MYO9B: variants seen among roughly 807,000 people sequenced by gnomAD.
MYO9B encodes the protein myosin IXB.
In MYO9B, 71 loss-of-function variants were observed where a neutral mutation model predicts 229.5. The observed-to-expected ratio is 0.31, with a 90% confidence interval of 0.26 to 0.38. MYO9B has a LOEUF of 0.38. Among genes scored for constraint, MYO9B ranks in the 10% least tolerant of loss-of-function variants. The probability of loss-of-function intolerance (pLI) is 1.00; values close to 1 mark genes in which losing one functional copy is unlikely to be tolerated. For missense variants in MYO9B, 2,255 were observed against 2,920.5 expected, an observed-to-expected ratio of 0.77 and a Z score of 5.25; for synonymous variants, 1,185 against 1,235.8, an observed-to-expected ratio of 0.96 and a Z score of 0.86.
chr19:17,125,349 A>G lies in MYO9B; in HGVS notation c.841-20048A>G, dbSNP rs148305716. ...ATGAGCCCTAGGGGAAATATGATAA[A>G]TTCTTCAGATGTTTTCACAGCCTTG... On this transcript the variant is annotated intron_variant, in intron 2 of 39. Coordinates refer to ENST00000682292, the MANE Select transcript of MYO9B (RefSeq NM_004145.4). Among the ~76,000 whole-genome samples the G allele has an allele frequency of 2.9e-3, 415 of 143,564 alleles. 1 individual carries two copies. The highest frequency in any genetic ancestry group is 1.0e-2 in the African/African-American group (392 of 39,274). The allele number at this position is 143,564 out of a possible 152,430, so 94.2% of individuals were successfully genotyped here.
At chr19:17,187,732 CTGCCG>C (rs1171891973) in intron 18 of MYO9B, among the ~76,000 whole-genome samples, 198 bp from the exon 19 acceptor site, 1 of 152,038 alleles carries the variant, frequency 6.6e-6, no homozygotes, top group East Asian at 1.9e-4. Context: ...GTGCTCCTGG[CTGCCG>C]TGCCGTAGAA....
chr19:17,194,440 T>G, intron 21 of MYO9B, 116 bp from the exon 22 acceptor site: 1 of 1,179,034 alleles, frequency 8.5e-7, no homozygotes, highest in South Asian at 1.5e-5. Flanking sequence ...TCAGGGCCAC[T>G]GGGCACAGGC....
intron 24 of MYO9B, among the ~76,000 whole-genome samples, chr19:17,200,018 C>T (rs1307609884): frequency 6.6e-6 from 1 of 152,056 alleles, no homozygotes; most frequent in African/African-American, 2.4e-5. Flanking sequence ...ACTACAGGAA[C>T]CCACCATCAC....
Position 17,212,283 on chromosome 19 carries a change from C to G in MYO9B, c.6447C>G (p.Pro2149=). 1 of 1,539,652 alleles carries G rather than the reference C, an allele frequency of 6.5e-7. No homozygotes were observed. Among genetic ancestry groups the G allele is most frequent in the South Asian group, 1.2e-5 (1 of 81,704 alleles). The change falls in exon 40 of 40, where the codon CCC becomes CCG. Residue 2149 remains proline (P), a synonymous_variant. Transcript: ENST00000682292. This position sits in a 1 kb window ranked among gnomAD's most constrained non-coding sequence, Gnocchi z 5.4. The part of the protein sequence containing the change: ...RYSDPPTYCL[P]PASGQTNG Reference sequence around the variant, plus strand: ...CGGATCCCCCAACGTACTGCCTGCCCCCCGCCTCGGGCCAGACCAATGGCT... The same window carrying G: ...CGGATCCCCCAACGTACTGCCTGCCGCCCGCCTCGGGCCAGACCAATGGCT...
intron 2 of MYO9B, among the ~76,000 whole-genome samples, chr19:17,117,277 C>G (rs573250769): frequency 6.6e-6 from 1 of 152,180 alleles, no homozygotes; most frequent in African/African-American, 2.4e-5. Context: ...AGGATAGATC[C>G]GATTTCTGCA....
intron 8 of MYO9B, among the ~76,000 whole-genome samples, chr19:17,160,965 C>G (rs892660114): frequency 3.3e-5 from 5 of 151,846 alleles, no homozygotes; most frequent in Non-Finnish European, 7.4e-5. Context: ...TCCCAAAATG[C>G]TGGGATTACA....
intron 2 of MYO9B, among the ~76,000 whole-genome samples, chr19:17,142,696 C>T (rs1245883158): frequency 6.6e-6 from 1 of 152,072 alleles, no homozygotes; most frequent in African/African-American, 2.4e-5. Context: ...ACCGATAAAA[C>T]TTCATTGATG....
rs1243580202 is a variant in MYO9B at position 17,154,016 on chromosome 19, C to T, written c.1048C>T (p.Arg350Cys). 5 of 1,613,752 alleles carry T rather than the reference C, an allele frequency of 3.1e-6. No individual in the cohort carries two copies. The highest frequency in any genetic ancestry group is 1.7e-5 in the Admixed American group (1 of 59,996). Residue 350 changes from arginine to cysteine, a missense_variant, in exon 5 of 40, where the codon CGC becomes TGC. By Grantham distance (180) the Arg-to-Cys change is radical (BLOSUM62 -3). Transcript: ENST00000682292. ...GTTACTTGGGGTCAGCGAGGAAGAG[C>T]GCCAAGAATTTCAGCTCAAGCAGCC... Reference protein sequence around the residue: ...YLLLGVSEEERQEFQLKQPED... With the variant: ...YLLLGVSEEECQEFQLKQPED...
intron 2 of MYO9B, among the ~76,000 whole-genome samples, chr19:17,131,966 AC>A (rs1389796814): frequency 6.6e-6 from 1 of 151,638 alleles, no homozygotes; most frequent in Non-Finnish European, 1.5e-5. Flanking sequence ...TGCAGCCTCA[AC>A]CTCCTGGGCT....
At chr19:17,162,871 G>A (rs531824455) in intron 9 of MYO9B, 117 bp from the exon 10 acceptor site, 27 of 1,158,040 alleles carry the variant, frequency 2.3e-5, no homozygotes, top group Non-Finnish European at 3.0e-5. Flanking sequence ...GTGTTCTGCC[G>A]AGCAACAGGG....
chr19:17,171,811 A>T (rs1396116013), intron 11 of MYO9B, among the ~76,000 whole-genome samples: 1 of 152,128 alleles, frequency 6.6e-6, no homozygotes, highest in Non-Finnish European at 1.5e-5. Flanking sequence ...ACATTGTACT[A>T]TAGTCCCAGC....
Position 17,172,873 on chromosome 19 carries a change from C to T in MYO9B, c.2050C>T (p.Arg684Cys), listed in dbSNP as rs750329842. The T allele has an allele frequency of 1.9e-6, 3 of 1,606,668 alleles. No individual in the cohort carries two copies. Among genetic ancestry groups the T allele is most frequent in the South Asian group, 1.1e-5 (1 of 91,064 alleles). The change falls in exon 13 of 40, where the codon CGC becomes TGC. Residue 684 changes from arginine (R) to cysteine (C), a missense_variant. By Grantham distance (180) the Arg-to-Cys change is radical. Transcript: ENST00000682292. This position sits in a 1 kb window ranked among gnomAD's most constrained non-coding sequence, Gnocchi z 8.2. ...LIGMDPVAVFRWAVLRAAIRA... is the reference protein window; with the variant it reads ...LIGMDPVAVFCWAVLRAAIRA... ...CGGCATGGACCCCGTGGCCGTGTTCCGCTGGGCCGTGCTCCGGGCTGCTAT... is the reference window on the plus strand; with the variant it reads ...CGGCATGGACCCCGTGGCCGTGTTCTGCTGGGCCGTGCTCCGGGCTGCTAT...
In MYO9B at chr19:17,213,227, G is replaced by C. The variant is rs1212507312; in HGVS notation, c.*917G>C. 1.3e-5 allele frequency: 2 copies of C among 152,346 alleles called. No individual in the cohort carries two copies. Among genetic ancestry groups the C allele is most frequent in the African/African-American group, 4.8e-5 (2 of 41,472 alleles). 9.4% of individuals were successfully genotyped at this position (152,346 alleles called of 1,614,324 possible). ...CCCACTCCCCCAGACACCTGGACACGTGGCCACAAATCTGGGACAAGGGGC... is the reference window on the plus strand; with the variant it reads ...CCCACTCCCCCAGACACCTGGACACCTGGCCACAAATCTGGGACAAGGGGC... On this transcript the variant is annotated 3_prime_UTR_variant, in exon 40 of 40. Coordinates refer to ENST00000682292, the MANE Select transcript of MYO9B (RefSeq NM_004145.4).
intron 2 of MYO9B, among the ~76,000 whole-genome samples, chr19:17,103,017 C>T (rs2057760146): frequency 7.0e-6 from 1 of 143,580 alleles, no homozygotes; most frequent in Non-Finnish European, 1.5e-5. Flanking sequence ...AGGAATTCAA[C>T]ATCAGCCTGG....
chr19:17,086,570 C>T (rs2057585572), intron 1 of MYO9B, among the ~76,000 whole-genome samples: 1 of 152,194 alleles, frequency 6.6e-6, no homozygotes, highest in Non-Finnish European at 1.5e-5. Flanking sequence ...CCCCTCGCCA[C>T]AAGTGGTAAC....
At chr19:17,169,774 G>A (rs57148684) in intron 11 of MYO9B, among the ~76,000 whole-genome samples, 53,616 of 141,814 alleles carry the variant, frequency 0.38, 10,821 homozygotes, top group African/African-American at 0.56. Flanking sequence ...CTCTGTGTCT[G>A]CATCATTCAT....
chr19:17,192,773 G>A lies in MYO9B; in HGVS notation c.2839G>A (p.Ala947Thr). 6.4e-7 allele frequency: 1 copy of A among 1,555,078 alleles called. No individual in the cohort carries two copies. Among genetic ancestry groups the A allele is most frequent in the Admixed American group, 1.9e-5 (1 of 52,136 alleles). Residue 947 changes from alanine to threonine, a missense_variant, in exon 21 of 40, where the codon GCC becomes ACC. Around this residue, in one of 7 missense-constraint regions of MYO9B, gnomAD observed 679 missense variants for 770.2 expected, o/e 0.88. Coordinates refer to ENST00000682292, the MANE Select transcript of MYO9B (RefSeq NM_004145.4). Reference sequence around the variant, plus strand: ...CTTCCTGAAGGAGACGGAGCGGCAAGCCCTGCAGGAGACGCTGCACCGGGA... The same window carrying A: ...CTTCCTGAAGGAGACGGAGCGGCAAACCCTGCAGGAGACGCTGCACCGGGA... ...KVFLKETERQALQETLHREVV... is the reference protein window; with the variant it reads ...KVFLKETERQTLQETLHREVV...
In MYO9B at chr19:17,111,350, G is replaced by A. The variant is rs2057846182; in HGVS notation, c.840+8793G>A. 2.0e-5 allele frequency among the ~76,000 whole-genome samples: 3 copies of A among 152,042 alleles called. No homozygotes were observed. In the South Asian group the frequency reaches 6.2e-4, roughly 31 times the overall value. ...TTGAGGTTCCTGTTTAAGAGCTTAT[G>A]GAGATATAATTTACCTATTTACTTA... On this transcript the variant is annotated intron_variant, in intron 2 of 39. Transcript: ENST00000682292.
chr19:17,148,987 T>G (rs1363721886), intron 3 of MYO9B, among the ~76,000 whole-genome samples: 9 of 152,124 alleles, frequency 5.9e-5, no homozygotes, highest in African/African-American at 2.2e-4. Flanking sequence ...TCCTTTTTTA[T>G]GTTTTGAGAC....
Sources: gnomAD v4.1 joint callset for allele counts (sites outside exome capture counted in the v4.1 genomes callset) on GRCh38, gnomAD v4.1.1 for gene constraint, gnomAD v4.1.1 regional missense constraint, Gnocchi (gnomAD v3.1) non-coding constraint, MANE v1.5 for transcripts, NCBI Gene and HGNC (gene_info 2026-07-23, HGNC 2026-07-21) for gene names.